The following PHACTR2 variants were observed in gnomAD, a reference collection of about 807,000 sequenced individuals.
PHACTR2 encodes the protein chromosome 6 open reading frame 56.
A neutral mutation model predicts 76.0 loss-of-function variants in PHACTR2; 30 were observed. That is an observed-to-expected ratio of 0.39 (90% CI 0.30 to 0.54). The LOEUF is 0.54. Ranked by LOEUF, PHACTR2 falls within the 20% of genes least tolerant of loss-of-function variation. The pLI is 0.61. For missense variants in PHACTR2, 696 were observed against 781.1 expected (o/e 0.89, Z 1.30); for synonymous variants, 292 against 292.5 (o/e 1.00, Z 0.02).
At chr6:143,573,327 C>T (rs2128431946) in intron 1 of PHACTR2, among the ~76,000 whole-genome samples, 1 of 152,268 alleles carries the variant, frequency 6.6e-6, no homozygotes, top group Middle Eastern at 3.4e-3. Flanking sequence ...AGGGTGTGTC[C>T]TTGATCCAAT....
In PHACTR2 at chr6:143,726,139, C is replaced by T. The variant is rs1199841567; in HGVS notation, c.214+13956C>T. The stretch of plus-strand genomic sequence containing the variant: ...ATGTGTAGGAATGGGATCTTGGGGT[C>T]ATATGTTAAATGTGTGTTTAACTTT... On this transcript the variant is annotated intron_variant, in intron 2 of 12. Coordinates refer to ENST00000440869, the MANE Select transcript of PHACTR2 (RefSeq NM_001100164.2). 2.6e-5 allele frequency among the ~76,000 whole-genome samples: 4 copies of T among 152,268 alleles called. No individual in the cohort carries two copies. The East Asian group carries it at 7.7e-4, about 29-fold the overall frequency.
chr6:143,659,985 G>A lies in PHACTR2; in HGVS notation c.13+51663G>A, dbSNP rs1221781704. ...AAAACTTAAATGTATGTATTTAGTA[G>A]GTACATATTAAATGTCATTATGGTA... On this transcript the variant is annotated intron_variant, in intron 1 of 11. Coordinates refer to the PHACTR2 transcript ENST00000305766. The surrounding 1 kb of genome is among the most constrained non-coding windows in gnomAD (Gnocchi z 5.0). Among the ~76,000 whole-genome samples the A allele has an allele frequency of 6.6e-6, 1 of 152,148 alleles. No homozygotes were observed. The highest frequency in any genetic ancestry group is 1.5e-5 in the Non-Finnish European group (1 of 68,042).
chr6:143,720,183 AAT>A (rs1778406980), intron 2 of PHACTR2, among the ~76,000 whole-genome samples: 1 of 152,194 alleles, frequency 6.6e-6, no homozygotes, highest in Admixed American at 6.5e-5. Context: ...TGATACATAC[AAT>A]ATGTCAGGAA....
At chr6:143,574,215 G>A (rs549696002) in intron 1 of PHACTR2, among the ~76,000 whole-genome samples, 11 of 152,356 alleles carry the variant, frequency 7.2e-5, no homozygotes, top group African/African-American at 1.7e-4. Flanking sequence ...CTTCCTCAGC[G>A]TGGCTGCTCA....
chr6:143,754,127 A>C lies in PHACTR2; in HGVS notation c.454+215A>C. Reference sequence around the variant, plus strand: ...TATAAGCACAGTATTTGTTTTTTCAATTATTAAAAATGTTAATTAAAAGTA... The same window carrying C: ...TATAAGCACAGTATTTGTTTTTTCACTTATTAAAAATGTTAATTAAAAGTA... On this transcript the variant is annotated intron_variant, in intron 4 of 12. Coordinates refer to ENST00000440869, the MANE Select transcript of PHACTR2 (RefSeq NM_001100164.2). This position sits in a 1 kb window ranked among gnomAD's most constrained non-coding sequence, Gnocchi z 6.2. 1 of 330,160 alleles carries C rather than the reference A, an allele frequency of 3.0e-6. No homozygotes were observed. The highest frequency in any genetic ancestry group is 5.5e-6 in the Non-Finnish European group (1 of 183,238). 20.5% of individuals were successfully genotyped at this position (330,160 alleles called of 1,614,324 possible).
rs996898998 is a variant in PHACTR2 at position 143,709,431 on chromosome 6, T to C, written c.47-2585T>C. Among the ~76,000 whole-genome samples the C allele has an allele frequency of 6.6e-6, 1 of 152,226 alleles. No homozygotes were observed. The highest frequency in any genetic ancestry group is 1.5e-5 in the Non-Finnish European group (1 of 68,038). ...TAGGAAGTGGCATCTATTGATTGTC[T>C]GTCTTCATTCAGTTTGAGATTTTCC... On this transcript the variant is annotated intron_variant, in intron 1 of 12. Transcript: ENST00000440869. This position sits in a 1 kb window ranked among gnomAD's most constrained non-coding sequence, Gnocchi z 4.4.
rs1779533782 is a variant in PHACTR2 at position 143,765,313 on chromosome 6, A to G, written c.747A>G (p.Pro249=). Reference sequence around the variant, plus strand: ...CTGGCTCTAAAGCATCAGCTTCGCCATCCACTTCATCCACCTCATCTCGTC... The same window carrying G: ...CTGGCTCTAAAGCATCAGCTTCGCCGTCCACTTCATCCACCTCATCTCGTC... ...KTTGSKASAS[P]STSSTSSRPK... Residue 249 remains proline, a synonymous_variant, in exon 6 of 13, where the codon CCA becomes CCG. Transcript: ENST00000440869. The surrounding 1 kb of genome is among the most constrained non-coding windows in gnomAD (Gnocchi z 4.1). The G allele has an allele frequency of 2.5e-6, 4 of 1,614,196 alleles. No individual in the cohort carries two copies. In the East Asian group the frequency reaches 8.9e-5, roughly 36 times the overall value.
intron 2 of PHACTR2, among the ~76,000 whole-genome samples, chr6:143,714,325 T>G (rs563495683): frequency 6.6e-6 from 1 of 152,354 alleles, no homozygotes; most frequent in South Asian, 2.1e-4. Flanking sequence ...ATATGAACCT[T>G]ATTGTGTTCT....
At position 143,618,866 on chromosome 6, in the gene PHACTR2, C is replaced by T. The variant is rs1368503674; in HGVS notation, c.13+10544C>T. Among the ~76,000 whole-genome samples the T allele has an allele frequency of 6.6e-6, 1 of 152,116 alleles. No homozygotes were observed. Among genetic ancestry groups the T allele is most frequent in the Non-Finnish European group, 1.5e-5 (1 of 68,040 alleles). The stretch of plus-strand genomic sequence containing the variant: ...TTGGAACACGTAGCAGATATACCAT[C>T]ATGCTGCTTCACGTGCTCCTCAAGA... On this transcript the variant is annotated intron_variant, in intron 1 of 11. Transcript: ENST00000305766. The surrounding 1 kb of genome is among the most constrained non-coding windows in gnomAD (Gnocchi z 5.2).
In PHACTR2 at chr6:143,592,194, A is replaced by T. The variant is rs1247256547; in HGVS notation, c.217+54987A>T. On this transcript the variant is annotated intron_variant, in intron 1 of 11. Coordinates refer to the PHACTR2 transcript ENST00000367584. This position sits in a 1 kb window ranked among gnomAD's most constrained non-coding sequence, Gnocchi z 4.0. ...AACATATGGTAACTAATAGTTCGTT[A>T]GCTTGATTTACAGCTTTTAAATATT... Among the ~76,000 whole-genome samples the T allele has an allele frequency of 6.6e-6, 1 of 152,202 alleles. No individual in the cohort carries two copies. The highest frequency in any genetic ancestry group is 1.5e-5 in the Non-Finnish European group (1 of 68,044).
chr6:143,818,174 G>T lies in PHACTR2; in HGVS notation c.1923-5500G>T, dbSNP rs1015393374. Among the ~76,000 whole-genome samples, 5 of 152,082 alleles carry T rather than the reference G, an allele frequency of 3.3e-5. No homozygotes were observed. Among genetic ancestry groups the T allele is most frequent in the African/African-American group, 1.2e-4 (5 of 41,402 alleles). On this transcript the variant is annotated intron_variant, in intron 12 of 12. Transcript: ENST00000440869. This position sits in a 1 kb window ranked among gnomAD's most constrained non-coding sequence, Gnocchi z 4.9. ...ATTTAAATAAAATTTGATTAAAATG[G>T]ACAGAGGTAGAAATTCAGATGATCA... is the stretch of plus-strand genomic sequence containing the variant.
intron 2 of PHACTR2, among the ~76,000 whole-genome samples, chr6:143,719,346 C>CT (rs1488690599): frequency 7.6e-6 from 1 of 131,906 alleles, no homozygotes; most frequent in African/African-American, 3.0e-5. Flanking sequence ...GTGTTCGACA[C>CT]TTCTTTTTTT....
intron 2 of PHACTR2, among the ~76,000 whole-genome samples, chr6:143,744,775 T>G (rs1419465282): frequency 6.6e-5 from 10 of 152,084 alleles, no homozygotes; most frequent in Non-Finnish European, 1.5e-4. Flanking sequence ...CCATGGGAAG[T>G]TTTTGGAAGA....
In PHACTR2 at chr6:143,658,745, G is replaced by A. The variant is rs971079322; in HGVS notation, c.13+50423G>A. Among the ~76,000 whole-genome samples, 16 of 152,116 alleles carry A rather than the reference G, an allele frequency of 1.1e-4. No individual in the cohort carries two copies. The highest frequency in any genetic ancestry group is 3.9e-4 in the African/African-American group (16 of 41,424). ...AAAAAACAAACAAACAAAAAATGGG[G>A]TTGGGCACAGTGACTCTGCCTGTAA... On this transcript the variant is annotated intron_variant, in intron 1 of 11. Transcript: ENST00000305766. This position sits in a 1 kb window ranked among gnomAD's most constrained non-coding sequence, Gnocchi z 4.1.
intron 2 of PHACTR2, among the ~76,000 whole-genome samples, chr6:143,746,861 C>T (rs936667560): frequency 5.3e-5 from 8 of 151,828 alleles, no homozygotes; most frequent in African/African-American, 1.5e-4. Flanking sequence ...ACTCTTTGCC[C>T]GGTTAACTTT....
rs912686559 is a variant in PHACTR2 at position 143,585,345 on chromosome 6, A to G, written c.217+48138A>G. ...TTCCAGCTACCAGGAAGAGGCTGGA[A>G]GCAGAATTCCAGTCTTCAGGGAAAG... On this transcript the variant is annotated intron_variant, in intron 1 of 11. Coordinates refer to the PHACTR2 transcript ENST00000367584. The surrounding 1 kb of genome is among the most constrained non-coding windows in gnomAD (Gnocchi z 5.2). Among the ~76,000 whole-genome samples the G allele has an allele frequency of 2.6e-5, 4 of 152,236 alleles. No individual in the cohort carries two copies. The highest frequency in any genetic ancestry group is 5.9e-5 in the Non-Finnish European group (4 of 68,036).
At chr6:143,668,960 G>C (rs1777096761) in intron 1 of PHACTR2, among the ~76,000 whole-genome samples, 1 of 152,106 alleles carries the variant, frequency 6.6e-6, no homozygotes, top group Non-Finnish European at 1.5e-5. Flanking sequence ...TAATTGTGAT[G>C]TTAGGGTGTC....
intron 1 of PHACTR2, among the ~76,000 whole-genome samples, chr6:143,637,684 G>C (rs1195417199): frequency 1.3e-5 from 2 of 152,250 alleles, no homozygotes; most frequent in Non-Finnish European, 2.9e-5. Context: ...CTGGTCCCAT[G>C]TTAGCAGAGT....
At chr6:143,713,943 C>A (rs1351927304) in intron 2 of PHACTR2, among the ~76,000 whole-genome samples, 1 of 152,138 alleles carries the variant, frequency 6.6e-6, no homozygotes, top group Non-Finnish European at 1.5e-5. Context: ...AATGGTGTAT[C>A]ATACATTAGT....
Sources: gnomAD v4.1 joint callset for allele counts (sites outside exome capture counted in the v4.1 genomes callset) on GRCh38, gnomAD v4.1.1 for gene constraint, Gnocchi (gnomAD v3.1) non-coding constraint, MANE v1.5 for transcripts, NCBI Gene and HGNC (gene_info 2026-07-23, HGNC 2026-07-21) for gene names.